SAE1: variants seen among roughly 807,000 people sequenced by gnomAD.
SAE1 encodes the protein SUMO1 activating enzyme subunit 1.
In SAE1, 11 loss-of-function variants were observed where a neutral mutation model predicts 40.6. The observed-to-expected ratio is 0.27, with a 90% CI of 0.17 to 0.45. The LOEUF (loss-of-function observed/expected upper bound fraction) is 0.45, where lower values mean the gene tolerates loss of function less well. Ranked by LOEUF, SAE1 falls within the 20% of genes least tolerant of loss-of-function variation. The pLI is 1.00. For synonymous variants in SAE1, 155 were observed against 154.3 expected (o/e 1.00, Z -0.03); for missense variants, 373 against 427.3 (o/e 0.87, Z 1.12).
intron 6 of SAE1, among the ~76,000 whole-genome samples, chr19:47,188,103 C>G (rs947894994): frequency 3.3e-5 from 5 of 152,002 alleles, no homozygotes; most frequent in Non-Finnish European, 7.4e-5. Flanking sequence ...AATCCCAGCA[C>G]TTTCAGAGGA....
intron 3 of SAE1, among the ~76,000 whole-genome samples, chr19:47,150,765 AT>A (rs1217083903): frequency 6.6e-6 from 1 of 152,176 alleles, no homozygotes; most frequent in African/African-American, 2.4e-5. Context: ...TGGCAGCGGC[AT>A]TTTTTTGTTA....
At chr19:47,136,677 A>G (rs1428832398) in intron 1 of SAE1, among the ~76,000 whole-genome samples, 1 of 152,042 alleles carries the variant, frequency 6.6e-6, no homozygotes, top group Non-Finnish European at 1.5e-5. Flanking sequence ...GTATTTTAGT[A>G]GAGACGGGAT....
intron 6 of SAE1, among the ~76,000 whole-genome samples, chr19:47,179,246 C>T (rs1600191522): frequency 6.6e-6 from 1 of 151,538 alleles, no homozygotes; most frequent in East Asian, 1.9e-4. Flanking sequence ...TGGCTCACGC[C>T]TGTAATCCTA....
At chr19:47,161,241 C>T (rs2058358244) in intron 5 of SAE1, among the ~76,000 whole-genome samples, 2 of 149,112 alleles carry the variant, frequency 1.3e-5, no homozygotes, top group Non-Finnish European at 3.0e-5. Context: ...AAACTCCTGG[C>T]CTCAAGTGAT....
intron 2 of SAE1, 101 bp downstream of exon 2, chr19:47,143,706 A>C (rs2058237427): frequency 6.0e-6 from 5 of 827,622 alleles, no homozygotes; most frequent in Non-Finnish European, 1.0e-5. Flanking sequence ...AAGGGCTGTG[A>C]AAGGAGGGCT....
intron 6 of SAE1, among the ~76,000 whole-genome samples, chr19:47,175,565 C>T (rs917741658): frequency 2.0e-5 from 3 of 151,958 alleles, no homozygotes; most frequent in Admixed American, 6.6e-5. Context: ...GGTGAAATCC[C>T]GTCTCTACTA....
rs1372502043 is a variant in SAE1 at position 47,186,266 on chromosome 19, A to G, written c.734-10967A>G. Reference sequence around the variant, plus strand: ...AAAATAAAAATAAAAAAAAAATAATAAAAGCTCATTGGAGCATTTTGGATT... The same window carrying G: ...AAAATAAAAATAAAAAAAAAATAATGAAAGCTCATTGGAGCATTTTGGATT... On this transcript the variant is annotated intron_variant, in intron 6 of 8. Transcript: ENST00000270225. Among the ~76,000 whole-genome samples, 3 of 151,916 alleles carry G rather than the reference A, an allele frequency of 2.0e-5. No individual in the cohort carries two copies. In the East Asian group the frequency reaches 5.8e-4, roughly 29 times the overall value.
At position 47,141,481 on chromosome 19, in the gene SAE1, G is replaced by A. The variant is rs573632947; in HGVS notation, c.99-2013G>A. Among the ~76,000 whole-genome samples the A allele has an allele frequency of 5.3e-5, 8 of 152,168 alleles. No individual in the cohort carries two copies. The South Asian group carries it at 1.2e-3, about 24-fold the overall frequency. ...AAACAACTGCAGAGCAGTCTGTAGA[G>A]CTATGTAGGAATGTAGGTCGTGGAG... is the stretch of plus-strand genomic sequence containing the variant. On this transcript the variant is annotated intron_variant, in intron 1 of 8. Coordinates refer to ENST00000270225, the MANE Select transcript of SAE1 (RefSeq NM_005500.3).
At chr19:47,150,153 A>G in intron 2 of SAE1, 49 bp from the exon 3 acceptor site, 1 of 1,268,658 alleles carries the variant, frequency 7.9e-7, no homozygotes, top group African/African-American at 1.6e-5. Flanking sequence ...TTTAAGATTT[A>G]TTTTCCCTAA....
intron 6 of SAE1, among the ~76,000 whole-genome samples, chr19:47,173,557 C>A (rs141786638): frequency 6.6e-6 from 1 of 152,236 alleles, no homozygotes; most frequent in Non-Finnish European, 1.5e-5. Flanking sequence ...CACTTCAGCA[C>A]ACTACTGACA....
At chr19:47,186,019 C>T (rs1198099467) in intron 6 of SAE1, among the ~76,000 whole-genome samples, 27 of 151,650 alleles carry the variant, frequency 1.8e-4, no homozygotes. Flanking sequence ...GTGGGTGGAT[C>T]ACCTGAGGTC....
At chr19:47,192,449 A>T (rs1383557855) in intron 6 of SAE1, among the ~76,000 whole-genome samples, 1 of 151,944 alleles carries the variant, frequency 6.6e-6, no homozygotes, top group Non-Finnish European at 1.5e-5. Flanking sequence ...GGGTTTTATC[A>T]TCTTGGCCAG....
intron 5 of SAE1, among the ~76,000 whole-genome samples, chr19:47,156,269 TA>T (rs568932525): frequency 0.021 from 2,749 of 132,602 alleles, 45 homozygotes; most frequent in Non-Finnish European, 0.032. Flanking sequence ...AGATCCTGTC[TA>T]AAAAAAAAAA....
Position 47,197,182 on chromosome 19 carries a change from A to C in SAE1, c.734-51A>C, listed in dbSNP as rs767878086. ...GGCGACAGTGTGAGCCTCCATCTCCAAAAAAAAAAAAAAGTGGCTTTATAA... is the reference window on the plus strand; with the variant it reads ...GGCGACAGTGTGAGCCTCCATCTCCCAAAAAAAAAAAAAGTGGCTTTATAA... On this transcript the variant is annotated intron_variant, in intron 6 of 8. Coordinates refer to ENST00000270225, the MANE Select transcript of SAE1 (RefSeq NM_005500.3). 3 of 314,758 alleles carry C rather than the reference A, an allele frequency of 9.5e-6. No homozygotes were observed. The South Asian group carries it at 2.7e-4, about 29-fold the overall frequency. The allele number at this position is 314,758 out of a possible 1,614,324, so 19.5% of individuals were successfully genotyped here.
At chr19:47,197,900 T>C (rs1302246231) in intron 7 of SAE1, among the ~76,000 whole-genome samples, 1 of 152,130 alleles carries the variant, frequency 6.6e-6, no homozygotes, top group African/African-American at 2.4e-5. Flanking sequence ...GGTCAGAAGG[T>C]TGTAATTTAT....
intron 4 of SAE1, among the ~76,000 whole-genome samples, chr19:47,154,651 C>T (rs2058309596): frequency 6.6e-6 from 1 of 151,544 alleles, no homozygotes; most frequent in South Asian, 2.1e-4. Flanking sequence ...CCCACCACCA[C>T]GCCCGGCTAG....
chr19:47,138,471 C>T, intron 1 of SAE1, among the ~76,000 whole-genome samples: 1 of 152,162 alleles, frequency 6.6e-6, no homozygotes, highest in East Asian at 1.9e-4. Context: ...CAGTGCTTGG[C>T]ACATAGTAAG....
In SAE1 at chr19:47,203,643, C is replaced by T. The variant is rs561076862; in HGVS notation, c.879-28C>T. 1.0e-4 allele frequency: 164 copies of T among 1,605,254 alleles called. 1 individual carries two copies. The South Asian group carries it at 1.7e-3, about 17-fold the overall frequency. On this transcript the variant is annotated intron_variant, in intron 7 of 8. Coordinates refer to ENST00000270225, the MANE Select transcript of SAE1 (RefSeq NM_005500.3). The stretch of plus-strand genomic sequence containing the variant: ...TGGTCACAGTTCTGTTCCCAGTGCT[C>T]CATTTTCCTTGTCTTCCTCTCTTTT...
Position 47,150,210 on chromosome 19 carries a change from A to G in SAE1, c.219A>G (p.Pro73=), listed in dbSNP as rs141328358. Reference sequence around the variant, plus strand: ...ATGTGTATTATTCCTAGGTAACTCCAGAAGATCCCGGAGCTCAGTTCTTGA... The same window carrying G: ...ATGTGTATTATTCCTAGGTAACTCCGGAAGATCCCGGAGCTCAGTTCTTGA... The part of the protein sequence containing the change: ...LTMLDHEQVT[P]EDPGAQFLIR... The change falls in exon 3 of 9, where the codon CCA becomes CCG. Residue 73 remains proline, a synonymous_variant. Coordinates refer to ENST00000270225, the MANE Select transcript of SAE1 (RefSeq NM_005500.3). 4,855 of 1,587,140 alleles carry G rather than the reference A, an allele frequency of 3.1e-3. 16 individuals carry two copies. The highest frequency in any genetic ancestry group is 0.02 in the Middle Eastern group (99 of 4,966).
Sources: allele counts gnomAD v4.1 joint callset (sites outside exome capture counted in the v4.1 genomes callset), GRCh38; gene constraint gnomAD v4.1.1; transcripts MANE v1.5; gene names NCBI Gene and HGNC (gene_info 2026-07-23, HGNC 2026-07-21).